Variants in RIMS4 observed in about 807,000 individuals in gnomAD.
The protein encoded by RIMS4 is regulating synaptic membrane exocytosis 4, also known as regulating synaptic membrane exocytosis protein 4.
In RIMS4, 9 loss-of-function variants were observed where a neutral mutation model predicts 29.0. The ratio of observed to expected loss-of-function variants is 0.31; its 90% CI spans 0.19 to 0.54. The LOEUF (loss-of-function observed/expected upper bound fraction) is 0.54, where lower values mean the gene tolerates loss of function less well. RIMS4 is among the 20% of genes least tolerant of loss of function. RIMS4 has a pLI of 0.94. For synonymous variants in RIMS4, 130 were observed against 152.9 expected, an observed-to-expected ratio of 0.85 and a Z score of 1.10; for missense variants, 193 against 365.7, an observed-to-expected ratio of 0.53 and a Z score of 3.85.
At position 44,804,893 on chromosome 20, in the gene RIMS4, A is replaced by G. The variant is rs78270800; in HGVS notation, c.97+5282T>C. Among the ~76,000 whole-genome samples, 206 of 152,328 alleles carry G rather than the reference A, an allele frequency of 1.4e-3. 1 individual carries two copies. The highest frequency in any genetic ancestry group is 4.7e-3 in the African/African-American group (197 of 41,572). ...GGGAGACAGAAAATAAGGAAAGAGC[A>G]CTGATTGCACCACAGCAGACCTGCA... On this transcript the variant is annotated intron_variant, in intron 1 of 5. Coordinates refer to ENST00000372851, the MANE Select transcript of RIMS4 (RefSeq NM_182970.4).
At chr20:44,790,913 T>C (rs373714032) in intron 1 of RIMS4, among the ~76,000 whole-genome samples, 7 of 152,328 alleles carry the variant, frequency 4.6e-5, no homozygotes, top group East Asian at 3.9e-4. Flanking sequence ...TTATTTTCTA[T>C]AAGAACGGGA....
chr20:44,764,259 C>CCATCCATTT (rs1555859478), intron 2 of RIMS4, among the ~76,000 whole-genome samples: 5 of 152,094 alleles, frequency 3.3e-5, no homozygotes, highest in East Asian at 1.9e-4. Flanking sequence ...TCCATCCTCC[C>CCATCCATTT]ACAAACTCAC....
intron 2 of RIMS4, among the ~76,000 whole-genome samples, chr20:44,766,136 C>G (rs2066112695): frequency 6.6e-6 from 1 of 152,074 alleles, no homozygotes; most frequent in South Asian, 2.1e-4. Context: ...AACGGTAGGC[C>G]CTACCCGTTC....
chr20:44,782,823 G>A (rs976032310), intron 1 of RIMS4, among the ~76,000 whole-genome samples: 1 of 152,206 alleles, frequency 6.6e-6, no homozygotes, highest in Non-Finnish European at 1.5e-5. Context: ...GGGGAGGCAA[G>A]GAAGCTCCCT....
intron 3 of RIMS4, 138 bp downstream of exon 3, chr20:44,757,934 T>C: frequency 1.1e-6 from 1 of 928,904 alleles, no homozygotes; most frequent in South Asian, 1.5e-5. Flanking sequence ...GCTGAGGGCT[T>C]GAGAGTGTGC....
chr20:44,758,008 G>A (rs1001300716), intron 3 of RIMS4, 64 bp downstream of exon 3: 54 of 1,232,028 alleles, frequency 4.4e-5, no homozygotes, highest in Non-Finnish European at 5.7e-5. Flanking sequence ...AGGGAGAGAC[G>A]CTGAGCTTCT....
intron 1 of RIMS4, among the ~76,000 whole-genome samples, chr20:44,786,417 C>T (rs758852055): frequency 1.3e-5 from 2 of 152,178 alleles, no homozygotes; most frequent in Admixed American, 6.5e-5. Context: ...CTTGGTACAC[C>T]CACAGACCTC....
In RIMS4 at chr20:44,756,966, T is replaced by C; in HGVS notation, c.523A>G (p.Lys175Glu). The C allele has an allele frequency of 6.2e-7, 1 of 1,614,116 alleles. No individual in the cohort carries two copies. Among genetic ancestry groups the C allele is most frequent in the Admixed American group, 1.7e-5 (1 of 60,022 alleles). Residue 175 changes from lysine to glutamate, a missense_variant, in exon 5 of 6, where the codon AAG (lysine) becomes GAG (glutamate). Transcript: ENST00000372851. This position sits in a 1 kb window ranked among gnomAD's most constrained non-coding sequence, Gnocchi z 5.9. Reference sequence around the variant, plus strand: ...TGGTTATACAGTGGGTCCAGCGACTTGCGAGCGACTTTGGTCTTCTTCTTG... The same window carrying C: ...TGGTTATACAGTGGGTCCAGCGACTCGCGAGCGACTTTGGTCTTCTTCTTG... Reference protein sequence around the residue: ...IAKKKTKVARKSLDPLYNQVL... With the variant: ...IAKKKTKVARESLDPLYNQVL...
chr20:44,765,388 C>G (rs1451247554), intron 2 of RIMS4, among the ~76,000 whole-genome samples: 4 of 152,088 alleles, frequency 2.6e-5, no homozygotes. Context: ...GGTTTACTCC[C>G]CAGGAAAACA....
In RIMS4 at chr20:44,765,413, T is replaced by C. The variant is rs373575926; in HGVS notation, c.236+5862A>G. On this transcript the variant is annotated intron_variant, in intron 2 of 5. Coordinates refer to ENST00000372851, the MANE Select transcript of RIMS4 (RefSeq NM_182970.4). ...CCAGGAAAACAGGAATAAAGAACAA[T>C]AGGATAATCCCAGTGCTGTTGTGAG... is the stretch of plus-strand genomic sequence containing the variant. 9.9e-5 allele frequency among the ~76,000 whole-genome samples: 15 copies of C among 152,174 alleles called. No homozygotes were observed. The East Asian group carries it at 2.9e-3, about 29-fold the overall frequency.
At chr20:44,785,802 G>C (rs898327195) in intron 1 of RIMS4, among the ~76,000 whole-genome samples, 4 of 134,984 alleles carry the variant, frequency 3.0e-5, no homozygotes, top group Admixed American at 8.4e-5. Flanking sequence ...GAAATACCCT[G>C]TGCTAAGAAT....
intron 1 of RIMS4, among the ~76,000 whole-genome samples, chr20:44,773,994 T>G (rs1023199334): frequency 6.6e-6 from 1 of 152,220 alleles, no homozygotes; most frequent in Non-Finnish European, 1.5e-5. Context: ...CCTTGCCAAC[T>G]GTCTTGCTGA....
intron 1 of RIMS4, among the ~76,000 whole-genome samples, chr20:44,773,025 CCCA>C (rs2066143797): frequency 2.7e-5 from 3 of 113,196 alleles, no homozygotes; most frequent in African/African-American, 1.4e-4. Context: ...ATTTCTGTCT[CCCA>C]CGTGTCTTTG....
intron 1 of RIMS4, among the ~76,000 whole-genome samples, chr20:44,802,101 G>A (rs2066279757): frequency 6.6e-6 from 1 of 152,148 alleles, no homozygotes; most frequent in Non-Finnish European, 1.5e-5. Context: ...GGATTCTGAG[G>A]CTCACTCAAG....
chr20:44,759,762 T>C (rs1035621216), intron 2 of RIMS4, among the ~76,000 whole-genome samples: 5 of 152,228 alleles, frequency 3.3e-5, no homozygotes, highest in African/African-American at 1.2e-4. Flanking sequence ...GCCATATAAA[T>C]GGCCTGCCCT....
intron 1 of RIMS4, among the ~76,000 whole-genome samples, chr20:44,783,411 T>C (rs2066193407): frequency 6.6e-6 from 1 of 152,126 alleles, no homozygotes; most frequent in Admixed American, 6.5e-5. Flanking sequence ...TCACCTGAGG[T>C]CGGGAGTTTG....
intron 1 of RIMS4, among the ~76,000 whole-genome samples, chr20:44,808,103 C>T (rs1395495752): frequency 2.0e-5 from 3 of 151,506 alleles, no homozygotes; most frequent in South Asian, 2.1e-4. Context: ...TATATACACA[C>T]ACACCCATTC....
intron 2 of RIMS4, among the ~76,000 whole-genome samples, chr20:44,770,101 T>G (rs562826744): frequency 6.6e-6 from 1 of 152,176 alleles, no homozygotes; most frequent in East Asian, 1.9e-4. Context: ...TTGTGGAATT[T>G]AACTTTTCTA....
intron 2 of RIMS4, among the ~76,000 whole-genome samples, chr20:44,767,520 T>A (rs1490989588): frequency 6.6e-6 from 1 of 152,156 alleles, no homozygotes; most frequent in Admixed American, 6.5e-5. Context: ...GGGTCCTTGA[T>A]GGCATCCTTG....
Sources: gnomAD v4.1 joint callset for allele counts (sites outside exome capture counted in the v4.1 genomes callset) on GRCh38, gnomAD v4.1.1 for gene constraint, Gnocchi (gnomAD v3.1) non-coding constraint, MANE v1.5 for transcripts, NCBI Gene and HGNC (gene_info 2026-07-23, HGNC 2026-07-21) for gene names.